Variants in GLI2 observed in about 807,000 individuals in gnomAD.
The protein encoded by GLI2 is transcription activator GLI2.
A neutral mutation model predicts 78.9 loss-of-function variants in GLI2; 22 were observed. That is an observed-to-expected ratio of 0.28 (90% CI 0.20 to 0.40). The LOEUF (loss-of-function observed/expected upper bound fraction) is 0.40, where lower values mean the gene tolerates loss of function less well. Ranked by LOEUF, GLI2 falls within the 10% of genes least tolerant of loss-of-function variation. The pLI is 1.00. For missense variants in GLI2, 2,097 were observed against 2,213.2 expected, an observed-to-expected ratio of 0.95 and a Z score of 1.05; for synonymous variants, 974 against 963.7, an observed-to-expected ratio of 1.01 and a Z score of -0.20.
At chr2:120,860,758 C>T (rs915210653) in intron 2 of GLI2, among the ~76,000 whole-genome samples, 11 of 152,240 alleles carry the variant, frequency 7.2e-5, no homozygotes, top group African/African-American at 2.4e-4. Context: ...AACAGGGAGC[C>T]GTCTGGGACT....
chr2:120,989,070 C>G lies in GLI2; in HGVS notation c.3105C>G (p.Asp1035Glu), dbSNP rs775938622. 3.1e-6 allele frequency: 5 copies of G among 1,611,128 alleles called. No homozygotes were observed. In the African/African-American group the frequency reaches 6.7e-5, roughly 22 times the overall value. The change falls in exon 14 of 14, where the codon GAC (aspartate) becomes GAG (glutamate). Residue 1035 changes from aspartate to glutamate, a missense_variant. Physicochemically the swap from Asp to Glu is conservative, Grantham distance 45. Transcript: ENST00000361492. ...AGVDGAGPEA[D>E]LGLPEDDLVL... ...TGGACGGCGCGGGGCCCGAGGCCGA[C>G]CTGGGGCTGCCGGAGGACGACCTGG... is the stretch of plus-strand genomic sequence containing the variant.
chr2:120,923,292 TACACAGCAA>T (rs1679482670), intron 2 of GLI2, among the ~76,000 whole-genome samples: 1 of 7,182 alleles, frequency 1.4e-4, no homozygotes, highest in South Asian at 7.6e-3. Context: ...AACACACACA[TACACAGCAA>T]TGCATATGTA....
intron 2 of GLI2, among the ~76,000 whole-genome samples, chr2:120,802,944 G>C (rs1684770720): frequency 6.6e-6 from 1 of 152,236 alleles, no homozygotes; most frequent in African/African-American, 2.4e-5. Context: ...CTGAGTCTGT[G>C]GGGGTAGAGC....
At chr2:120,963,478 G>A (rs146597967) in intron 5 of GLI2, among the ~76,000 whole-genome samples, 1 of 152,158 alleles carries the variant, frequency 6.6e-6, no homozygotes, top group African/African-American at 2.4e-5. Flanking sequence ...TCCACCTGGG[G>A]TATGTGTCTC....
chr2:120,866,659 GTGAGTGGC>G (rs1688149657), intron 2 of GLI2: 1 of 152,096 alleles, frequency 6.6e-6, no homozygotes, highest in South Asian at 2.1e-4. Context: ...AGGGCGGGTG[GTGAGTGGC>G]TGAGTGGAAT....
intron 5 of GLI2, among the ~76,000 whole-genome samples, chr2:120,962,381 C>T (rs1231439742): frequency 2.0e-5 from 3 of 152,214 alleles, no homozygotes; most frequent in Non-Finnish European, 2.9e-5. Context: ...ATGGTGAGCT[C>T]CATGAGGACA....
intron 1 of GLI2, among the ~76,000 whole-genome samples, chr2:120,740,885 C>T (rs1005034249): frequency 2.0e-5 from 3 of 152,192 alleles, no homozygotes; most frequent in Admixed American, 6.5e-5. Context: ...GAGGGTGGCC[C>T]GGCTGCAGGC....
At chr2:120,940,378 TC>T (rs1005058719) in intron 3 of GLI2, among the ~76,000 whole-genome samples, 1 of 152,114 alleles carries the variant, frequency 6.6e-6, no homozygotes, top group Non-Finnish European at 1.5e-5. Flanking sequence ...TAGTGGTTGT[TC>T]CCCAATACAA....
intron 5 of GLI2, among the ~76,000 whole-genome samples, chr2:120,968,489 C>A (rs1035646951): frequency 6.6e-6 from 1 of 152,224 alleles, no homozygotes; most frequent in African/African-American, 2.4e-5. Flanking sequence ...CTTACATGCA[C>A]TTCTCCAGTC....
At chr2:120,741,604 T>A (rs1389073761) in intron 1 of GLI2, among the ~76,000 whole-genome samples, 1 of 151,684 alleles carries the variant, frequency 6.6e-6, no homozygotes, top group African/African-American at 2.4e-5. Context: ...TTCCCTCCCG[T>A]TCCCTCCGCC....
intron 2 of GLI2, among the ~76,000 whole-genome samples, chr2:120,914,290 G>T (rs999743563): frequency 1.3e-5 from 2 of 152,234 alleles, no homozygotes; most frequent in Non-Finnish European, 2.9e-5. Context: ...ACCTGGCCTA[G>T]CCCTGGCCTG....
chr2:120,913,136 T>C (rs2104820166), intron 2 of GLI2, among the ~76,000 whole-genome samples: 1 of 152,314 alleles, frequency 6.6e-6, no homozygotes, highest in South Asian at 2.1e-4. Context: ...CTCATCACCA[T>C]ATTTTGTGTA....
At chr2:120,972,878 C>T (rs1682257915) in intron 8 of GLI2, among the ~76,000 whole-genome samples, 1 of 152,150 alleles carries the variant, frequency 6.6e-6, no homozygotes, top group African/African-American at 2.4e-5. Flanking sequence ...TGCTCCAAGA[C>T]AGCATGCGGG....
chr2:120,777,150 C>T (rs751056664), intron 1 of GLI2, among the ~76,000 whole-genome samples: 2 of 152,108 alleles, frequency 1.3e-5, no homozygotes, highest in Non-Finnish European at 2.9e-5. Context: ...TGGGAACCAG[C>T]GTGTGTCTTT....
chr2:120,801,526 A>C (rs1292805573), intron 2 of GLI2, among the ~76,000 whole-genome samples: 2 of 152,262 alleles, frequency 1.3e-5, no homozygotes, highest in African/African-American at 4.8e-5. Flanking sequence ...AACATCTTGA[A>C]TGGAACACGA....
chr2:120,792,186 C>T (rs1008877327), intron 1 of GLI2: 3 of 152,204 alleles, frequency 2.0e-5, no homozygotes, highest in African/African-American at 7.2e-5. Context: ...CAGGGTGATT[C>T]GCTCATTCTG....
chr2:120,818,569 T>C (rs2104742729), intron 2 of GLI2, among the ~76,000 whole-genome samples: 1 of 152,226 alleles, frequency 6.6e-6, no homozygotes, highest in African/African-American at 2.4e-5. Context: ...CAAGAGTGCG[T>C]CTCTCCCTGC....
At chr2:120,840,108 T>C (rs918461181) in intron 2 of GLI2, among the ~76,000 whole-genome samples, 2 of 152,200 alleles carry the variant, frequency 1.3e-5, no homozygotes, top group Admixed American at 6.5e-5. Flanking sequence ...TAAGTTATGC[T>C]TCAGTTACAT....
chr2:120,812,230 G>T (rs943510432), intron 2 of GLI2, among the ~76,000 whole-genome samples: 3 of 152,194 alleles, frequency 2.0e-5, no homozygotes, highest in Non-Finnish European at 4.4e-5. Context: ...CTGAAGAGCG[G>T]GTTCAGGTCA....
Sources: gnomAD v4.1 joint callset for allele counts (sites outside exome capture counted in the v4.1 genomes callset) on GRCh38, gnomAD v4.1.1 for gene constraint, MANE v1.5 for transcripts, NCBI Gene and HGNC (gene_info 2026-07-23, HGNC 2026-07-21) for gene names.